The following BIRC6 variants were observed in gnomAD, a reference collection of about 807,000 sequenced individuals.
BIRC6 encodes the protein baculoviral IAP repeat containing 6.
BIRC6 carries 98 observed loss-of-function variants against 503.3 expected under a neutral mutation model. The observed-to-expected ratio is 0.19, with a 90% CI of 0.17 to 0.23. The LOEUF is 0.23. Ranked by LOEUF, BIRC6 falls within the 10% of genes least tolerant of loss-of-function variation. The pLI is 1.00. For synonymous variants in BIRC6, 2,240 were observed against 2,078.7 expected (o/e 1.08, Z -2.11); for missense variants, 5,360 against 5,806.0 (o/e 0.92, Z 2.50).
Position 32,515,786 on chromosome 2 carries a change from A to C in BIRC6, c.11349+16A>C. 6.4e-7 allele frequency: 1 copy of C among 1,574,516 alleles called. No homozygotes were observed. Among genetic ancestry groups the C allele is most frequent in the Non-Finnish European group, 8.6e-7 (1 of 1,167,810 alleles). ...GATGGCACAGGTAAGACAAAAAAAT[A>C]ACTTACATTTTAGTTGTTTTATTAC... On this transcript the variant is annotated intron_variant, in intron 55 of 73. Transcript: ENST00000421745.
chr2:32,369,939 AAAAAAAATAT>A (rs1444682425), intron 1 of BIRC6, among the ~76,000 whole-genome samples: 9 of 53,260 alleles, frequency 1.7e-4, no homozygotes, highest in African/African-American at 8.1e-4. Flanking sequence ...AAAAAAAAAA[AAAAAAAATAT>A]ATATATATAT....
chr2:32,519,228 C>T, intron 57 of BIRC6: 1 of 302,410 alleles, frequency 3.3e-6, no homozygotes, highest in South Asian at 4.3e-5. Flanking sequence ...AATAAACCAT[C>T]TGGTCATTTT....
chr2:32,531,691 T>C (rs2056766208), intron 61 of BIRC6, 140 bp downstream of exon 61: 1 of 756,368 alleles, frequency 1.3e-6, no homozygotes, highest in East Asian at 2.7e-5. Context: ...ATATAACTCT[T>C]TCAATGGTCA....
At position 32,519,737 on chromosome 2, in the gene BIRC6, C is replaced by T. The variant is rs149024487; in HGVS notation, c.11623+791C>T. Among the ~76,000 whole-genome samples, 1,290 of 152,188 alleles carry T rather than the reference C, an allele frequency of 8.5e-3. 15 individuals are homozygous for T. Among genetic ancestry groups the T allele is most frequent in the African/African-American group, 0.029 (1,222 of 41,538 alleles). ...TTCACCATGTTGGCCAGGCTGGTCT[C>T]GAACTCCTGACCTCAAGTGATCCGC... On this transcript the variant is annotated intron_variant, in intron 57 of 73. Coordinates refer to ENST00000421745, the MANE Select transcript of BIRC6 (RefSeq NM_016252.4).
chr2:32,390,506 G>T (rs572400720), intron 4 of BIRC6, among the ~76,000 whole-genome samples: 1 of 151,790 alleles, frequency 6.6e-6, no homozygotes, highest in Admixed American at 6.6e-5. Context: ...GTAAAGACAG[G>T]GTTTCACCAT....
chr2:32,410,370 A>C (rs913754419), intron 9 of BIRC6, among the ~76,000 whole-genome samples: 13 of 152,360 alleles, frequency 8.5e-5, no homozygotes, highest in Admixed American at 8.5e-4. Context: ...TGTAGAGAAA[A>C]TATACATGAA....
At chr2:32,393,972 A>G (rs1419979855) in intron 5 of BIRC6, among the ~76,000 whole-genome samples, 2 of 149,802 alleles carry the variant, frequency 1.3e-5, no homozygotes, top group African/African-American at 2.4e-5. Context: ...ATATATATGA[A>G]TATTTTATTC....
At chr2:32,468,934 A>G (rs534257496) in intron 29 of BIRC6, among the ~76,000 whole-genome samples, 151 bp downstream of exon 29, 6 of 152,066 alleles carry the variant, frequency 3.9e-5, no homozygotes, top group Admixed American at 6.5e-5. Flanking sequence ...AGGTTAATCT[A>G]TTTCTCCCTG....
At chr2:32,602,007 AT>A (rs2062094066) in intron 70 of BIRC6, among the ~76,000 whole-genome samples, 1 of 152,250 alleles carries the variant, frequency 6.6e-6, no homozygotes, top group Non-Finnish European at 1.5e-5. Context: ...ATACACAAAA[AT>A]ATAAAATAGT....
At chr2:32,504,863 T>C (rs1352762914) in intron 49 of BIRC6, 142 bp from the exon 50 acceptor site, 2 of 746,716 alleles carry the variant, frequency 2.7e-6, no homozygotes, top group African/African-American at 1.8e-5. Context: ...ACGGTCATGC[T>C]TAGGATACTA....
At chr2:32,486,030 T>A (rs1194175452) in intron 40 of BIRC6, among the ~76,000 whole-genome samples, 1 of 152,224 alleles carries the variant, frequency 6.6e-6, no homozygotes, top group Non-Finnish European at 1.5e-5. Flanking sequence ...TGTATTGTTG[T>A]AAGGTTAATA....
chr2:32,498,172 G>C (rs118091763), intron 45 of BIRC6, among the ~76,000 whole-genome samples: 2 of 151,888 alleles, frequency 1.3e-5, no homozygotes, highest in South Asian at 2.1e-4. Flanking sequence ...CGTGATTTTC[G>C]TGCCTTAACT....
At position 32,357,605 on chromosome 2, in the gene BIRC6, C is replaced by T; in HGVS notation, c.325+119C>T. On this transcript the variant is annotated intron_variant, in intron 1 of 73. Transcript: ENST00000421745. This position sits in a 1 kb window ranked among gnomAD's most constrained non-coding sequence, Gnocchi z 4.9. ...GAGAGGGCAGGGCTGGGGGTTCGGG[C>T]CCAGCCGTGAAGGGAGGCCCGGAAG... The T allele has an allele frequency of 2.1e-6, 3 of 1,451,408 alleles. No homozygotes were observed. Among genetic ancestry groups the T allele is most frequent in the South Asian group, 2.8e-5 (2 of 72,496 alleles). 89.9% of individuals were successfully genotyped at this position (1,451,408 alleles called of 1,614,324 possible).
At chr2:32,457,205 A>T (rs2047354284) in intron 23 of BIRC6, among the ~76,000 whole-genome samples, 1 of 151,992 alleles carries the variant, frequency 6.6e-6, no homozygotes, top group African/African-American at 2.4e-5. Flanking sequence ...GTGTTTCCTT[A>T]TGTTTTAGAT....
chr2:32,431,814 G>A (rs947134649), intron 12 of BIRC6, among the ~76,000 whole-genome samples: 12 of 152,100 alleles, frequency 7.9e-5, no homozygotes, highest in Non-Finnish European at 1.8e-4. Flanking sequence ...GCCTCCTAAT[G>A]GCAATAGAAA....
intron 2 of BIRC6, among the ~76,000 whole-genome samples, chr2:32,378,014 G>A (rs1036219833): frequency 2.6e-5 from 4 of 152,072 alleles, no homozygotes; most frequent in African/African-American, 7.2e-5. Context: ...AGCTGTAACC[G>A]AGACCCAAAA....
chr2:32,589,494 T>A (rs2061271386), intron 66 of BIRC6, among the ~76,000 whole-genome samples: 2 of 152,310 alleles, frequency 1.3e-5, no homozygotes, highest in South Asian at 4.1e-4. Flanking sequence ...AAAAAAAATT[T>A]CAGTTCCAGC....
chr2:32,417,932 A>G (rs2150060820), intron 10 of BIRC6, among the ~76,000 whole-genome samples: 1 of 152,272 alleles, frequency 6.6e-6, no homozygotes, highest in Middle Eastern at 3.4e-3. Flanking sequence ...GGTGCGCGTC[A>G]CCACACTTGG....
chr2:32,460,151 T>C (rs2047669776), intron 23 of BIRC6, among the ~76,000 whole-genome samples: 1 of 63,266 alleles, frequency 1.6e-5, no homozygotes, highest in African/African-American at 4.3e-5. Context: ...TATTATATTA[T>C]ATATATGATA....
Sources: gnomAD v4.1 joint callset for allele counts (sites outside exome capture counted in the v4.1 genomes callset) on GRCh38, gnomAD v4.1.1 for gene constraint, Gnocchi (gnomAD v3.1) non-coding constraint, MANE v1.5 for transcripts, NCBI Gene and HGNC (gene_info 2026-07-23, HGNC 2026-07-21) for gene names.